ITGA8: variants seen among roughly 807,000 people sequenced by gnomAD.
ITGA8 encodes the protein integrin alpha-8.
In ITGA8, 91 loss-of-function variants were observed where a neutral mutation model predicts 142.3. The ratio of observed to expected loss-of-function variants is 0.64; its 90% CI spans 0.54 to 0.76. The LOEUF (loss-of-function observed/expected upper bound fraction) is 0.76. Among genes scored for constraint, ITGA8 ranks in the 30% least tolerant of loss-of-function variants. The pLI is 0.00. For synonymous variants in ITGA8, 505 were observed against 485.2 expected, an observed-to-expected ratio of 1.04 and a Z score of -0.54; for missense variants, 1,406 against 1,327.7, an observed-to-expected ratio of 1.06 and a Z score of -0.92.
At position 15,608,308 on chromosome 10, in the gene ITGA8, A is replaced by C; in HGVS notation, c.1554-18T>G. On this transcript the variant is annotated intron_variant, in intron 15 of 29. Transcript: ENST00000378076. ...AAGAAAAGCTATAGAAAATAGTAGT[A>C]ATTTATTGGTTAATAAAGTTTTGAA... 2.0e-6 allele frequency: 3 copies of C among 1,531,438 alleles called. No homozygotes were observed. Among genetic ancestry groups the C allele is most frequent in the Non-Finnish European group, 2.7e-6 (3 of 1,125,714 alleles). The allele number at this position is 1,531,438 out of a possible 1,614,324, so 94.9% of individuals were successfully genotyped here. A position where few individuals can be genotyped will look rare whatever the true frequency, so the allele number is the denominator to read the frequency against.
intron 26 of ITGA8, among the ~76,000 whole-genome samples, chr10:15,556,387 T>G (rs186445647): frequency 1.9e-3 from 291 of 152,218 alleles, no homozygotes; most frequent in African/African-American, 6.8e-3. Context: ...CACTGTGGCC[T>G]TTGATTCAGT....
chr10:15,615,897 C>T (rs550004029), intron 14 of ITGA8, among the ~76,000 whole-genome samples: 1 of 152,328 alleles, frequency 6.6e-6, no homozygotes, highest in South Asian at 2.1e-4. Flanking sequence ...CACGCATATT[C>T]TCACTGAATG....
At chr10:15,578,481 G>C in intron 23 of ITGA8, among the ~76,000 whole-genome samples, 1 of 152,050 alleles carries the variant, frequency 6.6e-6, no homozygotes, top group East Asian at 1.9e-4. Context: ...ATTAATGTAG[G>C]GATTCTTGTG....
intron 13 of ITGA8, among the ~76,000 whole-genome samples, chr10:15,617,590 G>A (rs1833417921): frequency 6.6e-6 from 1 of 151,974 alleles, no homozygotes; most frequent in African/African-American, 2.4e-5. Flanking sequence ...TGGTAGAGAC[G>A]GGGTTTCACT....
intron 25 of ITGA8, among the ~76,000 whole-genome samples, chr10:15,562,300 C>T (rs182666439): frequency 1.8e-3 from 268 of 152,240 alleles, no homozygotes; most frequent in Non-Finnish European, 3.2e-3. Flanking sequence ...TGGCAGATGC[C>T]CCTGCGAAGC....
At chr10:15,645,411 C>T (rs150171931) in intron 12 of ITGA8, among the ~76,000 whole-genome samples, 305 of 152,198 alleles carry the variant, frequency 2.0e-3, no homozygotes, top group Admixed American at 3.3e-3. Context: ...TGATTTTAAA[C>T]GACAGCTCCA....
chr10:15,648,697 C>T (rs1834032403), intron 11 of ITGA8, among the ~76,000 whole-genome samples: 1 of 152,060 alleles, frequency 6.6e-6, no homozygotes, highest in South Asian at 2.1e-4. Context: ...TCTTCAAGAT[C>T]TGAGCAGTCT....
chr10:15,532,417 T>C (rs1400316918), intron 27 of ITGA8, among the ~76,000 whole-genome samples: 3 of 29,944 alleles, frequency 1.0e-4, no homozygotes, highest in East Asian at 1.8e-3. Flanking sequence ...AGACTCCCTC[T>C]CAAAAAAAAA....
At chr10:15,540,364 C>T (rs1455989967) in intron 27 of ITGA8, among the ~76,000 whole-genome samples, 1 of 152,132 alleles carries the variant, frequency 6.6e-6, no homozygotes, top group Non-Finnish European at 1.5e-5. Context: ...CCTTTTAGCT[C>T]CCACATAGGA....
intron 26 of ITGA8, among the ~76,000 whole-genome samples, chr10:15,550,503 A>G (rs371044240): frequency 3.9e-5 from 6 of 152,320 alleles, no homozygotes; most frequent in African/African-American, 1.4e-4. Context: ...TGGGGAACCC[A>G]GATAGCCAGC....
intron 27 of ITGA8, among the ~76,000 whole-genome samples, chr10:15,538,527 A>AC (rs1554770285): frequency 2.7e-5 from 4 of 149,380 alleles, no homozygotes; most frequent in African/African-American, 1.0e-4. Flanking sequence ...AAAAAAAAAA[A>AC]AAAACTATAG....
chr10:15,694,540 GTATC>G (rs1282408160), intron 2 of ITGA8, among the ~76,000 whole-genome samples: 1 of 132,096 alleles, frequency 7.6e-6, no homozygotes, highest in Non-Finnish European at 1.6e-5. Context: ...ATATAAAAAT[GTATC>G]TAATATATTA....
chr10:15,577,147 T>TTTTA (rs1165507626), intron 23 of ITGA8, among the ~76,000 whole-genome samples: 1 of 152,094 alleles, frequency 6.6e-6, no homozygotes, highest in Admixed American at 6.6e-5. Context: ...CTAGGGAAAC[T>TTTTA]TTTATTTATT....
intron 27 of ITGA8, among the ~76,000 whole-genome samples, chr10:15,540,050 A>G (rs1247744292): frequency 6.6e-6 from 1 of 152,170 alleles, no homozygotes; most frequent in Admixed American, 6.5e-5. Flanking sequence ...AGGCCTCCCC[A>G]GCCATGTGGA....
intron 29 of ITGA8, among the ~76,000 whole-genome samples, chr10:15,517,623 C>T (rs1832987231): frequency 6.6e-6 from 1 of 152,166 alleles, no homozygotes; most frequent in East Asian, 1.9e-4. Flanking sequence ...CACACCTGGC[C>T]CTTTATGTAT....
In ITGA8 at chr10:15,700,268, A is replaced by G. The variant is rs145446088; in HGVS notation, c.344-12230T>C. Among the ~76,000 whole-genome samples, 190 of 152,234 alleles carry G rather than the reference A, an allele frequency of 1.2e-3. 2 individuals are homozygous for G. Among genetic ancestry groups the G allele is most frequent in the Admixed American group, 3.5e-3 (54 of 15,290 alleles). On this transcript the variant is annotated intron_variant, in intron 2 of 29. Coordinates refer to ENST00000378076, the MANE Select transcript of ITGA8 (RefSeq NM_003638.3). ...ATAGTTCCACCTCTGCAATAATAAA[A>G]CCTGACTTGGCCCAAGGGACCAACA...
chr10:15,583,163 A>G (rs888167030), intron 23 of ITGA8, among the ~76,000 whole-genome samples: 1 of 152,200 alleles, frequency 6.6e-6, no homozygotes, highest in African/African-American at 2.4e-5. Context: ...CACATATACA[A>G]TGTGGAATAC....
chr10:15,655,067 A>G (rs1447481494), intron 11 of ITGA8, among the ~76,000 whole-genome samples: 4 of 150,640 alleles, frequency 2.7e-5, no homozygotes, highest in African/African-American at 9.8e-5. Flanking sequence ...AATGTTCTCA[A>G]TGGCTATGAA....
intron 2 of ITGA8, among the ~76,000 whole-genome samples, chr10:15,693,692 T>G (rs1395301241): frequency 1.3e-5 from 2 of 152,164 alleles, no homozygotes; most frequent in South Asian, 2.1e-4. Flanking sequence ...GGCAATTCAT[T>G]TAATCTTTTG....
Sources: allele counts gnomAD v4.1 joint callset (sites outside exome capture counted in the v4.1 genomes callset), GRCh38; gene constraint gnomAD v4.1.1; transcripts MANE v1.5; gene names NCBI Gene and HGNC (gene_info 2026-07-23, HGNC 2026-07-21).